The following TMEM26 variants were observed in gnomAD, a reference collection of about 807,000 sequenced individuals.
TMEM26 encodes transmembrane protein 26.
In TMEM26, 38 loss-of-function variants were observed where a neutral mutation model predicts 28.8. That is an observed-to-expected ratio of 1.32 (90% CI 1.02 to 1.73). The LOEUF (loss-of-function observed/expected upper bound fraction) is 1.73. TMEM26 is among the 40% of genes most tolerant of loss of function. TMEM26 has a pLI of 0.00. For synonymous variants in TMEM26, 227 were observed against 182.9 expected, an observed-to-expected ratio of 1.24 and a Z score of -1.95; for missense variants, 518 against 447.1, an observed-to-expected ratio of 1.16 and a Z score of -1.43.
intron 1 of TMEM26, among the ~76,000 whole-genome samples, chr10:61,436,762 TTG>T (rs554361767): frequency 8.8e-4 from 134 of 152,304 alleles, no homozygotes; most frequent in African/African-American, 3.2e-3. Flanking sequence ...CCCATTGGCT[TTG>T]TGTGTGGTTT....
intron 4 of TMEM26, among the ~76,000 whole-genome samples, chr10:61,417,737 G>GA (rs941946855): frequency 1.3e-5 from 2 of 151,990 alleles, no homozygotes; most frequent in African/African-American, 2.4e-5. Context: ...ATGTTGGGGG[G>GA]AAAAAAGACT....
chr10:61,411,256 G>C (rs527512607), intron 5 of TMEM26, among the ~76,000 whole-genome samples: 1 of 152,240 alleles, frequency 6.6e-6, no homozygotes, highest in South Asian at 2.1e-4. Flanking sequence ...TTTGAAAACT[G>C]GGATAACAAT....
intron 1 of TMEM26, among the ~76,000 whole-genome samples, chr10:61,442,041 GT>G (rs1199070099): frequency 6.8e-6 from 1 of 147,002 alleles, no homozygotes; most frequent in Non-Finnish European, 1.5e-5. Flanking sequence ...CATTTGTTTT[GT>G]TTTATTTGTT....
chr10:61,423,663 A>G (rs966273405), intron 4 of TMEM26, among the ~76,000 whole-genome samples: 2 of 152,266 alleles, frequency 1.3e-5, no homozygotes, highest in African/African-American at 4.8e-5. Flanking sequence ...ACTTGAGTCC[A>G]GGAGGTCAGT....
In TMEM26 at chr10:61,453,133, G is replaced by T; in HGVS notation, c.-52C>A. ...CCCTTGCCTGCGCCCCCAGGACCCT[G>T]CCGGGCGTGCCCGGAGCCCACCGGT... On this transcript the variant is annotated 5_prime_UTR_variant, in exon 1 of 6. Coordinates refer to ENST00000399298, the MANE Select transcript of TMEM26 (RefSeq NM_178505.8). 6.4e-7 allele frequency: 1 copy of T among 1,571,126 alleles called. No individual in the cohort carries two copies. Among genetic ancestry groups the T allele is most frequent in the South Asian group, 1.1e-5 (1 of 88,722 alleles).
chr10:61,452,787 A>C (rs1840310439), intron 1 of TMEM26, 104 bp downstream of exon 1: 39 of 1,405,814 alleles, frequency 2.8e-5, no homozygotes, highest in Middle Eastern at 2.1e-4. Flanking sequence ...AACGGGGTCC[A>C]AATTCGAGTA....
chr10:61,429,978 T>C (rs1781618087), intron 3 of TMEM26, among the ~76,000 whole-genome samples: 1 of 152,106 alleles, frequency 6.6e-6, no homozygotes, highest in Non-Finnish European at 1.5e-5. Flanking sequence ...CTTGCTGATA[T>C]CAAATGCACA....
At chr10:61,440,514 C>CAA (rs60111640) in intron 1 of TMEM26, among the ~76,000 whole-genome samples, 1,015 of 98,946 alleles carry the variant, frequency 0.01, 17 homozygotes, top group South Asian at 0.022. Flanking sequence ...TTCCAGTTCT[C>CAA]AAAAAAAAAA....
At chr10:61,443,131 T>C (rs1398925820) in intron 1 of TMEM26, among the ~76,000 whole-genome samples, 3 of 151,790 alleles carry the variant, frequency 2.0e-5, no homozygotes, top group South Asian at 2.1e-4. Context: ...AAATGGAAAA[T>C]TGAATATAAA....
At chr10:61,421,785 C>T (rs962841935) in intron 4 of TMEM26, among the ~76,000 whole-genome samples, 2 of 152,092 alleles carry the variant, frequency 1.3e-5, no homozygotes, top group African/African-American at 4.8e-5. Context: ...GAAGAAGTTT[C>T]TGTTGTTTTA....
chr10:61,447,094 G>A (rs528115564), intron 1 of TMEM26, among the ~76,000 whole-genome samples: 11 of 152,274 alleles, frequency 7.2e-5, no homozygotes, highest in Non-Finnish European at 1.2e-4. Context: ...AAGAGGGAGA[G>A]AAATTGTTTA....
intron 2 of TMEM26, among the ~76,000 whole-genome samples, chr10:61,433,984 T>G (rs1168917976): frequency 6.6e-6 from 1 of 152,134 alleles, no homozygotes; most frequent in African/African-American, 2.4e-5. Context: ...TATGGAGTTG[T>G]TGGGTCCATA....
intron 1 of TMEM26, among the ~76,000 whole-genome samples, chr10:61,442,781 A>G (rs1006552769): frequency 2.0e-5 from 3 of 152,108 alleles, no homozygotes; most frequent in Non-Finnish European, 2.9e-5. Flanking sequence ...TTACATGTAG[A>G]CTCATTTGTC....
chr10:61,451,986 GATATAT>G (rs10555555), intron 1 of TMEM26, among the ~76,000 whole-genome samples: 10 of 148,736 alleles, frequency 6.7e-5, no homozygotes, highest in Non-Finnish European at 7.5e-5. Flanking sequence ...TTAATGTATT[GATATAT>G]ATATATATAT....
At chr10:61,430,200 C>A (rs2135310771) in intron 3 of TMEM26, among the ~76,000 whole-genome samples, 1 of 152,076 alleles carries the variant, frequency 6.6e-6, no homozygotes, top group African/African-American at 2.4e-5. Context: ...ATTGTCCAGA[C>A]TGATATAAAT....
chr10:61,453,098 T>C lies in TMEM26; in HGVS notation c.-17A>G. Reference sequence around the variant, plus strand: ...TCCCTCCATGCTGGCCGGAGCACTCTGCCTACGTCCCCTTGCCTGCGCCCC... The same window carrying C: ...TCCCTCCATGCTGGCCGGAGCACTCCGCCTACGTCCCCTTGCCTGCGCCCC... On this transcript the variant is annotated 5_prime_UTR_variant, in exon 1 of 6. Coordinates refer to ENST00000399298, the MANE Select transcript of TMEM26 (RefSeq NM_178505.8). The C allele has an allele frequency of 6.2e-7, 1 of 1,607,946 alleles. No individual in the cohort carries two copies. The highest frequency in any genetic ancestry group is 8.5e-7 in the Non-Finnish European group (1 of 1,176,940).
Position 61,407,992 on chromosome 10 carries a change from A to G in TMEM26, c.*2330T>C, listed in dbSNP as rs1839516983. 1 of 152,246 alleles carries G rather than the reference A, an allele frequency of 6.6e-6. No homozygotes were observed. Among genetic ancestry groups the G allele is most frequent in the Non-Finnish European group, 1.5e-5 (1 of 68,050 alleles). The allele number at this position is 152,246 out of a possible 1,614,324, so 9.4% of individuals were successfully genotyped here. On this transcript the variant is annotated 3_prime_UTR_variant, in exon 6 of 6. Transcript: ENST00000399298. ...ACGCTATGAACTGAACAAATTTGTA[A>G]TATTTAATCAGGAGTCTTAGGAATG... is the stretch of plus-strand genomic sequence containing the variant.
chr10:61,450,257 T>C (rs540300603), intron 1 of TMEM26, among the ~76,000 whole-genome samples: 7 of 152,306 alleles, frequency 4.6e-5, no homozygotes, highest in African/African-American at 1.7e-4. Flanking sequence ...TGCCATAATG[T>C]TTACTTCATC....
chr10:61,448,000 AG>A (rs1840213968), intron 1 of TMEM26, among the ~76,000 whole-genome samples: 1 of 152,254 alleles, frequency 6.6e-6, no homozygotes, highest in Admixed American at 6.5e-5. Context: ...GAGGTTTGCG[AG>A]GGCAGAATTT....
Sources: gnomAD v4.1 joint callset for allele counts (sites outside exome capture counted in the v4.1 genomes callset) on GRCh38, gnomAD v4.1.1 for gene constraint, MANE v1.5 for transcripts, NCBI Gene and HGNC (gene_info 2026-07-23, HGNC 2026-07-21) for gene names.